ROR2: variants seen among roughly 807,000 people sequenced by gnomAD.
ROR2 encodes ROR family WNT receptor 2.
In ROR2, 33 loss-of-function variants were observed where a neutral mutation model predicts 74.9. The observed-to-expected ratio is 0.44, with a 90% CI of 0.33 to 0.59. ROR2 has a LOEUF of 0.59. Ranked by LOEUF, ROR2 falls within the 20% of genes least tolerant of loss-of-function variation. The probability of loss-of-function intolerance (pLI) is 0.02; values close to 1 mark genes in which losing one functional copy is unlikely to be tolerated. For missense variants in ROR2, 1,216 were observed against 1,313.8 expected (o/e 0.93, Z 1.15); for synonymous variants, 586 against 558.7 (o/e 1.05, Z -0.69).
chr9:91,923,334 C>G (rs910091420), intron 1 of ROR2, among the ~76,000 whole-genome samples: 1 of 152,190 alleles, frequency 6.6e-6, no homozygotes, highest in Non-Finnish European at 1.5e-5. Flanking sequence ...TTAAGTTTGG[C>G]TAGTGCAGCC....
At chr9:91,725,819 C>T (rs1173168553) in intron 8 of ROR2, among the ~76,000 whole-genome samples, 1 of 152,160 alleles carries the variant, frequency 6.6e-6, no homozygotes, top group Non-Finnish European at 1.5e-5. Flanking sequence ...CCGTGCAAGC[C>T]CCGGGGCTCT....
At position 91,922,721 on chromosome 9, in the gene ROR2, G is replaced by A. The variant is rs554128157; in HGVS notation, c.97+27146C>T. Among the ~76,000 whole-genome samples the A allele has an allele frequency of 7.2e-4, 109 of 152,272 alleles. 1 individual carries two copies. The Middle Eastern group carries it at 0.017, about 24-fold the overall frequency. On this transcript the variant is annotated intron_variant, in intron 1 of 8. Transcript: ENST00000375708. ...ACCTGCCTTGGCCTCTTGAAGTGCT[G>A]TGATTACAGGCAGGAGCCACCGCGC... is the stretch of plus-strand genomic sequence containing the variant.
intron 1 of ROR2, among the ~76,000 whole-genome samples, chr9:91,791,502 A>G (rs1427885738): frequency 1.3e-5 from 2 of 152,220 alleles, no homozygotes; most frequent in East Asian, 3.8e-4. Context: ...CTAGAAACAA[A>G]GAAGGACATT....
intron 2 of ROR2, among the ~76,000 whole-genome samples, chr9:91,765,681 T>C (rs1319514269): frequency 4.6e-5 from 7 of 152,212 alleles, no homozygotes; most frequent in Non-Finnish European, 1.0e-4. Context: ...TGTGGCAATG[T>C]GCTCATCCCT....
chr9:91,825,053 A>G (rs1367430440), intron 1 of ROR2, among the ~76,000 whole-genome samples: 1 of 152,254 alleles, frequency 6.6e-6, no homozygotes, highest in Non-Finnish European at 1.5e-5. Context: ...TTGTGGCCTT[A>G]AGTAAGCCAA....
chr9:91,904,073 C>T (rs1830748033), intron 1 of ROR2, among the ~76,000 whole-genome samples: 1 of 151,090 alleles, frequency 6.6e-6, no homozygotes. Context: ...CAGAGTCTCG[C>T]TCTGCCGCAT....
intron 1 of ROR2, among the ~76,000 whole-genome samples, chr9:91,786,661 G>A (rs887822931): frequency 6.6e-6 from 1 of 152,168 alleles, no homozygotes; most frequent in Admixed American, 6.5e-5. Flanking sequence ...CCCCATAACA[G>A]AGTCAACATT....
chr9:91,949,683 C>T (rs1009477286), intron 1 of ROR2, among the ~76,000 whole-genome samples, 184 bp downstream of exon 1: 1 of 152,204 alleles, frequency 6.6e-6, no homozygotes, highest in Non-Finnish European at 1.5e-5. Context: ...TTGTAACCAG[C>T]CCGAGGGGGT....
intron 1 of ROR2, among the ~76,000 whole-genome samples, chr9:91,826,049 C>T (rs11788348): frequency 0.037 from 5,650 of 152,252 alleles, 157 homozygotes; most frequent in East Asian, 0.096. Context: ...CAAGGAATGT[C>T]GATGTCTTAT....
chr9:91,940,882 G>A (rs1035137645), intron 1 of ROR2, among the ~76,000 whole-genome samples: 2 of 152,038 alleles, frequency 1.3e-5, no homozygotes, highest in Admixed American at 6.6e-5. Flanking sequence ...GATTACAGGC[G>A]TGAGCCACCA....
chr9:91,742,799 TACTC>T (rs1367351296), intron 4 of ROR2, among the ~76,000 whole-genome samples: 4 of 152,216 alleles, frequency 2.6e-5, no homozygotes, highest in Non-Finnish European at 4.4e-5. Context: ...ACTCGCGACT[TACTC>T]ACTGACTCAC....
At chr9:91,896,098 A>G (rs1338382482) in intron 1 of ROR2, among the ~76,000 whole-genome samples, 1 of 152,230 alleles carries the variant, frequency 6.6e-6, no homozygotes, top group Non-Finnish European at 1.5e-5. Context: ...GCAAAAAAGG[A>G]TGAAATCCAT....
chr9:91,901,573 C>T (rs969123454), intron 1 of ROR2, among the ~76,000 whole-genome samples: 1 of 152,032 alleles, frequency 6.6e-6, no homozygotes. Context: ...CCCAGCACTT[C>T]GGGAGGCTAA....
At chr9:91,867,217 G>C (rs1291026500) in intron 1 of ROR2, among the ~76,000 whole-genome samples, 1 of 152,196 alleles carries the variant, frequency 6.6e-6, no homozygotes, top group Non-Finnish European at 1.5e-5. Context: ...AGCTCTGCTG[G>C]AGCAGGGTGA....
chr9:91,866,119 G>GT (rs896569226), intron 1 of ROR2, among the ~76,000 whole-genome samples: 27 of 151,862 alleles, frequency 1.8e-4, no homozygotes, highest in Non-Finnish European at 2.9e-4. Flanking sequence ...TTTGGGTTTT[G>GT]TTTTTTTGTT....
At chr9:91,831,433 C>G (rs1828463297) in intron 1 of ROR2, among the ~76,000 whole-genome samples, 1 of 152,130 alleles carries the variant, frequency 6.6e-6, no homozygotes, top group Non-Finnish European at 1.5e-5. Context: ...TTCTGTGCTG[C>G]TTTTCCTTAG....
chr9:91,776,315 G>A (rs1826419319), intron 1 of ROR2, among the ~76,000 whole-genome samples: 2 of 152,048 alleles, frequency 1.3e-5, no homozygotes, highest in African/African-American at 2.4e-5. Context: ...ACCCCACAAT[G>A]TAAAGGACAT....
At chr9:91,851,400 T>A (rs1270059407) in intron 1 of ROR2, among the ~76,000 whole-genome samples, 1 of 151,878 alleles carries the variant, frequency 6.6e-6, no homozygotes, top group Non-Finnish European at 1.5e-5. Flanking sequence ...AAATTCCATA[T>A]ATTCCATAGG....
intron 6 of ROR2, 118 bp from the exon 7 acceptor site, chr9:91,731,273 G>C: frequency 1.4e-6 from 2 of 1,463,534 alleles, no homozygotes; most frequent in Non-Finnish European, 1.9e-6. Flanking sequence ...TACCAGAAAA[G>C]AGGCATTAAA....
Sources: gnomAD v4.1 joint callset for allele counts (sites outside exome capture counted in the v4.1 genomes callset) on GRCh38, gnomAD v4.1.1 for gene constraint, MANE v1.5 for transcripts, NCBI Gene and HGNC (gene_info 2026-07-23, HGNC 2026-07-21) for gene names.